Variants in FARS2 observed in about 807,000 individuals in gnomAD.
The protein encoded by FARS2 is phenylalanine--tRNA ligase, mitochondrial.
In FARS2, 40 loss-of-function variants were observed where a neutral mutation model predicts 46.4. The ratio of observed to expected loss-of-function variants is 0.86; its 90% CI spans 0.67 to 1.12. FARS2 has a LOEUF of 1.12. FARS2 is among the 50% of genes most tolerant of loss of function. The pLI is 0.00. For missense variants in FARS2, 513 were observed against 567.9 expected, an observed-to-expected ratio of 0.90 and a Z score of 0.98; for synonymous variants, 234 against 214.9, an observed-to-expected ratio of 1.09 and a Z score of -0.78.
chr6:5,728,313 G>A (rs1002514299), intron 6 of FARS2, among the ~76,000 whole-genome samples: 1 of 151,994 alleles, frequency 6.6e-6, no homozygotes, highest in African/African-American at 2.4e-5. Flanking sequence ...GGTCTTGAGT[G>A]CTTTCACTCA....
At position 5,381,341 on chromosome 6, in the gene FARS2, T is replaced by C. The variant is rs114830005; in HGVS notation, c.612+12159T>C. 1.5e-3 allele frequency among the ~76,000 whole-genome samples: 221 copies of C among 150,182 alleles called. 2 individuals are homozygous for C. Among genetic ancestry groups the C allele is most frequent in the Middle Eastern group, 6.9e-3 (2 of 290 alleles). On this transcript the variant is annotated intron_variant, in intron 2 of 6. Transcript: ENST00000274680. ...TTTCTTTTCTTTTCCTATTTGAGAGTCTGATGAGAAATTTGCATACTCCCC... is the reference window on the plus strand; with the variant it reads ...TTTCTTTTCTTTTCCTATTTGAGAGCCTGATGAGAAATTTGCATACTCCCC...
chr6:5,308,191 C>T (rs926105466), intron 1 of FARS2, among the ~76,000 whole-genome samples: 6 of 151,920 alleles, frequency 3.9e-5, no homozygotes, highest in African/African-American at 1.5e-4. Flanking sequence ...TGATGTGTCC[C>T]GGGAAGAACA....
chr6:5,759,153 T>C (rs1452475856), intron 6 of FARS2, among the ~76,000 whole-genome samples: 1 of 152,098 alleles, frequency 6.6e-6, no homozygotes, highest in Non-Finnish European at 1.5e-5. Context: ...GAATTTAAAC[T>C]CAGATCACAG....
intron 4 of FARS2, among the ~76,000 whole-genome samples, chr6:5,449,381 A>G (rs1764359445): frequency 6.6e-6 from 1 of 151,522 alleles, no homozygotes. Context: ...AAAAAGAAAA[A>G]GAAAACTCAT....
At chr6:5,396,997 C>T (rs1169442784) in intron 2 of FARS2, among the ~76,000 whole-genome samples, 1 of 152,188 alleles carries the variant, frequency 6.6e-6, no homozygotes, top group African/African-American at 2.4e-5. Flanking sequence ...AAATCACACC[C>T]AGTTGCTTCA....
At chr6:5,685,821 G>C (rs1757156240) in intron 6 of FARS2, among the ~76,000 whole-genome samples, 1 of 152,166 alleles carries the variant, frequency 6.6e-6, no homozygotes, top group African/African-American at 2.4e-5. Context: ...TCCTATTCAA[G>C]TCTAGTTGCT....
At chr6:5,390,185 C>T (rs1325011987) in intron 2 of FARS2, among the ~76,000 whole-genome samples, 2 of 152,112 alleles carry the variant, frequency 1.3e-5, no homozygotes, top group Non-Finnish European at 2.9e-5. Context: ...TTTTTTGTTC[C>T]AGTACTTACC....
intron 4 of FARS2, among the ~76,000 whole-genome samples, chr6:5,434,483 C>T (rs897031767): frequency 2.6e-5 from 4 of 152,110 alleles, no homozygotes; most frequent in Admixed American, 6.5e-5. Context: ...TTTTATAGAA[C>T]GGATTCTGTG....
intron 4 of FARS2, among the ~76,000 whole-genome samples, chr6:5,489,258 A>G (rs1490258053): frequency 6.6e-6 from 1 of 152,104 alleles, no homozygotes; most frequent in Non-Finnish European, 1.5e-5. Flanking sequence ...GTTTGAGACT[A>G]GCATGGCCAA....
At chr6:5,492,614 A>G (rs1180939289) in intron 4 of FARS2, among the ~76,000 whole-genome samples, 1 of 152,254 alleles carries the variant, frequency 6.6e-6, no homozygotes, top group East Asian at 1.9e-4. Flanking sequence ...GTAAATGCCA[A>G]TGTTGGCAGT....
intron 6 of FARS2, among the ~76,000 whole-genome samples, chr6:5,685,877 T>C (rs1219177608): frequency 6.6e-6 from 1 of 152,204 alleles, no homozygotes; most frequent in Non-Finnish European, 1.5e-5. Context: ...TCTCCTTGTA[T>C]TAGCAAAAAT....
chr6:5,721,717 A>T (rs58180474), intron 6 of FARS2, among the ~76,000 whole-genome samples: 1 of 152,144 alleles, frequency 6.6e-6, no homozygotes, highest in Non-Finnish European at 1.5e-5. Flanking sequence ...AACGTTGACA[A>T]TTTTCCAAAT....
intron 4 of FARS2, among the ~76,000 whole-genome samples, chr6:5,434,722 A>T (rs111270221): frequency 1.1e-4 from 16 of 151,910 alleles, no homozygotes; most frequent in South Asian, 2.1e-4. Flanking sequence ...TATTCTTTCC[A>T]TCTCTTCTTC....
At chr6:5,625,340 C>A (rs1395765801) in intron 6 of FARS2, among the ~76,000 whole-genome samples, 1 of 152,210 alleles carries the variant, frequency 6.6e-6, no homozygotes, top group Non-Finnish European at 1.5e-5. Context: ...TCCAGGATCA[C>A]ACAAGCAGGG....
chr6:5,587,948 A>C (rs1773707868), intron 5 of FARS2, among the ~76,000 whole-genome samples: 1 of 152,164 alleles, frequency 6.6e-6, no homozygotes, highest in Admixed American at 6.5e-5. Context: ...TATGTAAATT[A>C]TGAAACAACA....
At chr6:5,422,358 G>A (rs1762598593) in intron 3 of FARS2, among the ~76,000 whole-genome samples, 1 of 150,698 alleles carries the variant, frequency 6.6e-6, no homozygotes, top group African/African-American at 2.4e-5. Context: ...ATGCCTGTTT[G>A]GTTCTCTCTC....
rs1776230661 is a variant in FARS2 at position 5,630,079 on chromosome 6, A to G, written c.1217+16759A>G. Among the ~76,000 whole-genome samples, 1 of 152,198 alleles carries G rather than the reference A, an allele frequency of 6.6e-6. No individual in the cohort carries two copies. Among genetic ancestry groups the G allele is most frequent in the South Asian group, 2.1e-4 (1 of 4,824 alleles). On this transcript the variant is annotated intron_variant, in intron 6 of 6. Transcript: ENST00000274680. This position sits in a 1 kb window ranked among gnomAD's most constrained non-coding sequence, Gnocchi z 4.2. ...GAGAGAGGCCAGGATTGGAACGTGTACTACTCTTGACCACTGGAGCTCCAG... is the reference window on the plus strand; with the variant it reads ...GAGAGAGGCCAGGATTGGAACGTGTGCTACTCTTGACCACTGGAGCTCCAG...
At chr6:5,562,838 T>C (rs1772080929) in intron 5 of FARS2, among the ~76,000 whole-genome samples, 1 of 150,326 alleles carries the variant, frequency 6.7e-6, no homozygotes, top group Non-Finnish European at 1.5e-5. Context: ...GGAGTTTCGC[T>C]CATCGCCCAG....
intron 3 of FARS2, among the ~76,000 whole-genome samples, chr6:5,416,776 T>G (rs1243659906): frequency 6.6e-6 from 1 of 152,172 alleles, no homozygotes; most frequent in Non-Finnish European, 1.5e-5. Context: ...TAACTTTTTG[T>G]TTTGTTATTG....
Sources: allele counts gnomAD v4.1 joint callset (sites outside exome capture counted in the v4.1 genomes callset), GRCh38; gene constraint gnomAD v4.1.1; non-coding constraint Gnocchi (gnomAD v3.1); transcripts MANE v1.5; gene names NCBI Gene and HGNC (gene_info 2026-07-23, HGNC 2026-07-21).